The following CPNE8 variants were observed in gnomAD, a reference collection of about 807,000 sequenced individuals.
CPNE8 encodes the protein copine 8.
Under a neutral mutation model 81.5 loss-of-function variants are expected in CPNE8, and 45 were observed. That is an observed-to-expected ratio of 0.55 (90% confidence interval 0.44 to 0.71). CPNE8 has a LOEUF of 0.71. Among genes scored for constraint, CPNE8 ranks in the 30% least tolerant of loss-of-function variants. CPNE8 has a pLI of 0.00. For synonymous variants in CPNE8, 252 were observed against 226.3 expected (o/e 1.11, Z -1.02); for missense variants, 594 against 672.1 (o/e 0.88, Z 1.28).
chr12:38,796,388 T>C (rs939757269), intron 6 of CPNE8, among the ~76,000 whole-genome samples: 1 of 152,194 alleles, frequency 6.6e-6, no homozygotes, highest in African/African-American at 2.4e-5. Context: ...AAAATTTCTT[T>C]AACAAGTCAT....
intron 3 of CPNE8, among the ~76,000 whole-genome samples, chr12:38,871,247 C>T (rs1271883312): frequency 8.5e-5 from 13 of 152,278 alleles, no homozygotes; most frequent in Admixed American, 7.8e-4. Flanking sequence ...TTCAAACTCC[C>T]TTTATCCAAT....
intron 10 of CPNE8, among the ~76,000 whole-genome samples, chr12:38,752,170 A>C (rs1290111093): frequency 6.6e-6 from 1 of 152,180 alleles, no homozygotes; most frequent in Non-Finnish European, 1.5e-5. Flanking sequence ...TGGAGGCAAC[A>C]TTCGATTATT....
chr12:38,827,871 T>G (rs929822184), intron 6 of CPNE8, among the ~76,000 whole-genome samples: 1 of 152,186 alleles, frequency 6.6e-6, no homozygotes, highest in African/African-American at 2.4e-5. Flanking sequence ...TATGGGGTAC[T>G]ATGCTTATTA....
chr12:38,829,714 G>A (rs1021269390), intron 5 of CPNE8, among the ~76,000 whole-genome samples: 4 of 152,130 alleles, frequency 2.6e-5, no homozygotes, highest in Non-Finnish European at 5.9e-5. Flanking sequence ...TATGTTTTAA[G>A]TTACAATACA....
intron 6 of CPNE8, among the ~76,000 whole-genome samples, chr12:38,790,798 GAAGA>G (rs1942305364): frequency 6.6e-6 from 1 of 151,624 alleles, no homozygotes; most frequent in Admixed American, 6.6e-5. Flanking sequence ...TCGAGCACAT[GAAGA>G]ATAAATGACC....
At chr12:38,895,143 A>G (rs1944372802) in intron 1 of CPNE8, among the ~76,000 whole-genome samples, 1 of 152,116 alleles carries the variant, frequency 6.6e-6, no homozygotes, top group Non-Finnish European at 1.5e-5. Context: ...GAAAAAATTG[A>G]CTTTTACAAA....
At chr12:38,884,424 C>G (rs1220484918) in intron 1 of CPNE8, among the ~76,000 whole-genome samples, 1 of 152,124 alleles carries the variant, frequency 6.6e-6, no homozygotes, top group Non-Finnish European at 1.5e-5. Context: ...GGATATACTA[C>G]TTTGGTTCAT....
intron 13 of CPNE8, among the ~76,000 whole-genome samples, chr12:38,712,943 G>T (rs925465514): frequency 1.3e-5 from 2 of 151,970 alleles, no homozygotes; most frequent in Admixed American, 6.6e-5. Flanking sequence ...GAGCTTAGAC[G>T]TATTAGAACT....
chr12:38,799,848 G>A (rs534821029), intron 6 of CPNE8, among the ~76,000 whole-genome samples: 1 of 150,254 alleles, frequency 6.7e-6, no homozygotes, highest in South Asian at 2.1e-4. Context: ...CACCTGGGAA[G>A]CGCAAGGGGT....
intron 6 of CPNE8, among the ~76,000 whole-genome samples, chr12:38,787,187 G>C (rs1344207123): frequency 6.6e-6 from 1 of 151,980 alleles, no homozygotes; most frequent in African/African-American, 2.4e-5. Context: ...TCATTCTCAA[G>C]GATGGACCAT....
At chr12:38,743,654 A>C (rs1232490400) in intron 10 of CPNE8, among the ~76,000 whole-genome samples, 1 of 152,164 alleles carries the variant, frequency 6.6e-6, no homozygotes, top group Non-Finnish European at 1.5e-5. Context: ...GTGCATAAGC[A>C]GGCTGGAACT....
intron 10 of CPNE8, among the ~76,000 whole-genome samples, chr12:38,734,362 A>G (rs1940906396): frequency 6.6e-6 from 1 of 152,030 alleles, no homozygotes; most frequent in African/African-American, 2.4e-5. Flanking sequence ...AACCTTCTCT[A>G]TCTCCTTAAA....
At chr12:38,667,117 T>G (rs1939073901) in intron 19 of CPNE8, among the ~76,000 whole-genome samples, 1 of 152,192 alleles carries the variant, frequency 6.6e-6, no homozygotes, top group Admixed American at 6.5e-5. Flanking sequence ...CCTTAGGGTT[T>G]TCTTTGTCCA....
At chr12:38,798,342 G>C (rs925652251) in intron 6 of CPNE8, among the ~76,000 whole-genome samples, 4 of 152,264 alleles carry the variant, frequency 2.6e-5, no homozygotes, top group Middle Eastern at 3.4e-3. Context: ...CACACTAACA[G>C]CTGATCTCTC....
At chr12:38,711,765 G>A (rs886520125) in intron 13 of CPNE8, among the ~76,000 whole-genome samples, 2 of 152,068 alleles carry the variant, frequency 1.3e-5, no homozygotes, top group South Asian at 2.1e-4. Flanking sequence ...CACTACGCCC[G>A]GCCCAAGTAT....
At chr12:38,657,706 G>T (rs578014933) in intron 19 of CPNE8, among the ~76,000 whole-genome samples, 13 of 152,144 alleles carry the variant, frequency 8.5e-5, no homozygotes, top group Non-Finnish European at 1.9e-4. Context: ...AATATTTTCA[G>T]TTCTGCAATA....
intron 13 of CPNE8, among the ~76,000 whole-genome samples, chr12:38,723,224 G>A (rs1322860655): frequency 2.0e-5 from 3 of 152,118 alleles, no homozygotes; most frequent in South Asian, 2.1e-4. Flanking sequence ...GAGGGTGTAA[G>A]AACTTATAGT....
chr12:38,718,663 T>A (rs1246112889), intron 13 of CPNE8, among the ~76,000 whole-genome samples: 1 of 152,184 alleles, frequency 6.6e-6, no homozygotes, highest in African/African-American at 2.4e-5. Flanking sequence ...AATACGTATA[T>A]CATTAAATCC....
chr12:38,844,555 G>T (rs371861055), intron 4 of CPNE8, among the ~76,000 whole-genome samples: 10 of 152,038 alleles, frequency 6.6e-5, no homozygotes, highest in African/African-American at 1.9e-4. Flanking sequence ...GGAATTTTAG[G>T]ACTTATAGCC....
Sources: allele counts gnomAD v4.1 joint callset (sites outside exome capture counted in the v4.1 genomes callset), GRCh38; gene constraint gnomAD v4.1.1; transcripts MANE v1.5; gene names NCBI Gene and HGNC (gene_info 2026-07-23, HGNC 2026-07-21).